Variants in PHF21A observed in about 807,000 individuals in gnomAD.
PHF21A encodes the protein BHC80a.
PHF21A carries 11 observed loss-of-function variants against 82.5 expected under a neutral mutation model. The ratio of observed to expected loss-of-function variants is 0.13; its 90% CI spans 0.08 to 0.22. PHF21A has a LOEUF of 0.22. Among genes scored for constraint, PHF21A ranks in the 10% least tolerant of loss-of-function variants. The pLI is 1.00. For synonymous variants in PHF21A, 297 were observed against 302.8 expected (o/e 0.98, Z 0.20); for missense variants, 579 against 837.8 (o/e 0.69, Z 3.81).
At chr11:45,975,966 A>G (rs1038053253) in intron 7 of PHF21A, among the ~76,000 whole-genome samples, 3 of 152,040 alleles carry the variant, frequency 2.0e-5, no homozygotes, top group African/African-American at 7.2e-5. Context: ...GCCCTCATAC[A>G]TTAAATATAT....
chr11:46,056,063 T>C (rs2096450991), intron 6 of PHF21A, among the ~76,000 whole-genome samples: 1 of 152,194 alleles, frequency 6.6e-6, no homozygotes, highest in South Asian at 2.1e-4. Flanking sequence ...AAGTTTTCCA[T>C]GTAACCTGTT....
intron 1 of PHF21A, among the ~76,000 whole-genome samples, chr11:46,100,376 G>GCTATTTGCTTATTTGC (rs2097078094): frequency 1.3e-5 from 2 of 151,976 alleles, no homozygotes; most frequent in Non-Finnish European, 2.9e-5. Context: ...TATAAATAAC[G>GCTATTTGCTTATTTGC]TTAGCTATTT....
At chr11:45,981,413 A>G (rs943766099) in intron 6 of PHF21A, among the ~76,000 whole-genome samples, 4 of 150,980 alleles carry the variant, frequency 2.6e-5, no homozygotes, top group Non-Finnish European at 3.0e-5. Flanking sequence ...AAAAAAAAAA[A>G]AAAAAACTAT....
chr11:46,085,730 C>T (rs1157405480), intron 3 of PHF21A, among the ~76,000 whole-genome samples: 1 of 152,016 alleles, frequency 6.6e-6, no homozygotes, highest in African/African-American at 2.4e-5. Flanking sequence ...CCTATGGGTA[C>T]AGTCTATATT....
chr11:45,971,129 T>G lies in PHF21A; in HGVS notation c.599A>C (p.Asn200Thr). The change falls in exon 8 of 19, where the codon AAC (asparagine) becomes ACC (threonine). Residue 200 changes from asparagine (N) to threonine (T), a missense_variant. Physicochemically the swap from Asn to Thr is moderately conservative, Grantham distance 65. This residue lies in a region of PHF21A where 410 missense variants were observed against 642.1 expected (regional missense o/e 0.64). Transcript: ENST00000676320. ...GAEAVQIVAK[N>T]TVTLQVQATP... is the part of the protein sequence containing the mutation. ...CTGCTGGCTTACCAGAGTGACTGTG[T>G]TTTTTGCCACAATTTGGACAGCCTC... 1 of 1,614,054 alleles carries G rather than the reference T, an allele frequency of 6.2e-7. No homozygotes were observed. Among genetic ancestry groups the G allele is most frequent in the Non-Finnish European group, 8.5e-7 (1 of 1,179,986 alleles).
intron 10 of PHF21A, among the ~76,000 whole-genome samples, chr11:45,963,139 G>A (rs922916952): frequency 2.0e-5 from 3 of 151,998 alleles, no homozygotes; most frequent in Admixed American, 1.3e-4. Flanking sequence ...ATATCTGGGG[G>A]CCGGGTGCGG....
chr11:46,115,446 T>C (rs1013119400), intron 1 of PHF21A, among the ~76,000 whole-genome samples: 4 of 152,142 alleles, frequency 2.6e-5, no homozygotes, highest in African/African-American at 9.7e-5. Flanking sequence ...CACACAAACA[T>C]ACAAAGTAGA....
Position 45,989,683 on chromosome 11 carries a change from TAAATAA to T in PHF21A, c.154-9723_154-9718del, listed in dbSNP as rs766594839. 9.2e-4 allele frequency among the ~76,000 whole-genome samples: 137 copies of T among 148,196 alleles called. 1 individual carries two copies. The East Asian group carries it at 0.02, about 22-fold the overall frequency. On this transcript the variant is annotated intron_variant, in intron 6 of 18. Coordinates refer to ENST00000676320, the MANE Select transcript of PHF21A (RefSeq NM_001352027.3). ...AACTGTCTCAAAATAAATAAATAAA[TAAATAA>T]AAATAAAAATAAAAAAATAAAAAAT...
intron 6 of PHF21A, among the ~76,000 whole-genome samples, chr11:46,068,121 T>G (rs865940463): frequency 5.3e-5 from 8 of 152,104 alleles, no homozygotes; most frequent in Admixed American, 5.2e-4. Context: ...TGTATGAGAA[T>G]GAGTTGCTAA....
rs562937263 is a variant in PHF21A, at chr11:45,983,971, G to GT, written c.154-4006dup. 9.9e-5 allele frequency among the ~76,000 whole-genome samples: 15 copies of GT among 152,228 alleles called. No homozygotes were observed. The South Asian group carries it at 3.1e-3, about 32-fold the overall frequency. ...AATGAAGACGTCATGACTGCTGCTG[G>GT]TCACTGACGAAGGTTATACTGGCAT... On this transcript the variant is annotated intron_variant, in intron 6 of 18. Coordinates refer to ENST00000676320, the MANE Select transcript of PHF21A (RefSeq NM_001352027.3).
intron 15 of PHF21A, among the ~76,000 whole-genome samples, chr11:45,943,630 AT>A (rs1426083181): frequency 6.6e-6 from 1 of 152,252 alleles, no homozygotes; most frequent in Non-Finnish European, 1.5e-5. Flanking sequence ...CATCTTAAAA[AT>A]AATAAATGCA....
intron 15 of PHF21A, among the ~76,000 whole-genome samples, chr11:45,938,563 G>T (rs2089654711): frequency 6.6e-6 from 1 of 152,114 alleles, no homozygotes; most frequent in South Asian, 2.1e-4. Flanking sequence ...CCTAGTGGAT[G>T]CCTGAAACCT....
At chr11:45,946,740 C>T (rs983194479) in intron 14 of PHF21A, among the ~76,000 whole-genome samples, 4 of 152,184 alleles carry the variant, frequency 2.6e-5, no homozygotes, top group African/African-American at 9.7e-5. Flanking sequence ...AGCATTCTCA[C>T]AATACTTTAA....
At chr11:46,066,682 G>A (rs562098809) in intron 6 of PHF21A, among the ~76,000 whole-genome samples, 2 of 152,250 alleles carry the variant, frequency 1.3e-5, no homozygotes, top group East Asian at 3.9e-4. Context: ...TTGGGCGACA[G>A]AGCAAGACCT....
chr11:45,945,425 C>A (rs2091148773), intron 15 of PHF21A, among the ~76,000 whole-genome samples: 1 of 152,170 alleles, frequency 6.6e-6, no homozygotes. Context: ...AGAAAACTTT[C>A]CACTTTTGGA....
intron 1 of PHF21A, among the ~76,000 whole-genome samples, chr11:46,110,910 C>T (rs915425900): frequency 1.3e-5 from 2 of 151,624 alleles, no homozygotes; most frequent in African/African-American, 2.4e-5. Context: ...CTCAGCCTCC[C>T]GAGTAGCTGG....
chr11:45,975,387 C>T (rs372486510), intron 7 of PHF21A, among the ~76,000 whole-genome samples: 10 of 139,914 alleles, frequency 7.1e-5, no homozygotes, highest in South Asian at 4.4e-4. Flanking sequence ...TAAAACAAAA[C>T]AAAATAAAAT....
chr11:45,969,995 G>T, intron 8 of PHF21A, 91 bp from the exon 9 acceptor site: 1 of 869,330 alleles, frequency 1.2e-6, no homozygotes, highest in Non-Finnish European at 1.9e-6. Flanking sequence ...CTTTGGATCA[G>T]ACAATATTTT....
intron 1 of PHF21A, 101 bp downstream of exon 1, chr11:46,120,834 C>A: frequency 6.6e-6 from 1 of 151,314 alleles, no homozygotes; most frequent in Non-Finnish European, 1.5e-5. Flanking sequence ...AGGAGAGAGG[C>A]AGAGGGGGAA....
Sources: gnomAD v4.1 joint callset for allele counts (sites outside exome capture counted in the v4.1 genomes callset) on GRCh38, gnomAD v4.1.1 for gene constraint, gnomAD v4.1.1 regional missense constraint, MANE v1.5 for transcripts, NCBI Gene and HGNC (gene_info 2026-07-23, HGNC 2026-07-21) for gene names.